TNRC6C: variants seen among roughly 807,000 people sequenced by gnomAD.
TNRC6C encodes the protein trinucleotide repeat-containing gene 6C protein.
Under a neutral mutation model 153.7 loss-of-function variants are expected in TNRC6C, and 20 were observed. The ratio of observed to expected loss-of-function variants is 0.13; its 90% CI spans 0.09 to 0.19. The LOEUF is 0.19. Among genes scored for constraint, TNRC6C ranks in the 10% least tolerant of loss-of-function variants. The probability of loss-of-function intolerance (pLI) is 1.00; values close to 1 mark genes in which losing one functional copy is unlikely to be tolerated. For missense variants in TNRC6C, 1,987 were observed against 2,172.0 expected, an observed-to-expected ratio of 0.91 and a Z score of 1.69; for synonymous variants, 811 against 841.4, an observed-to-expected ratio of 0.96 and a Z score of 0.63.
chr17:78,049,617 T>C lies in TNRC6C; in HGVS notation c.555T>C (p.Asn185=). 6.2e-7 allele frequency: 1 copy of C among 1,613,980 alleles called. No individual in the cohort carries two copies. The highest frequency in any genetic ancestry group is 8.5e-7 in the Non-Finnish European group (1 of 1,179,882). Reference sequence around the variant, plus strand: ...AGAACCTTAACACTGATGGACCAAATAACACTAACCCCATGAACTCTTCAC... The same window carrying C: ...AGAACCTTAACACTGATGGACCAAACAACACTAACCCCATGAACTCTTCAC... Residue 185 remains asparagine, a synonymous_variant, in exon 3 of 20, where the codon AAT becomes AAC. Transcript: ENST00000301624. This position sits in a 1 kb window ranked among gnomAD's most constrained non-coding sequence, Gnocchi z 4.1.
Position 78,079,400 on chromosome 17 carries a change from G to A in TNRC6C, c.3216G>A (p.Pro1072=), listed in dbSNP as rs143705154. Reference sequence around the variant, plus strand: ...TTAATTCTGTCCCTGTGCAGATACCGAGTGGCAATCTGGGTATGTTTGGCA... The same window carrying A: ...TTAATTCTGTCCCTGTGCAGATACCAAGTGGCAATCTGGGTATGTTTGGCA... The change falls in exon 10 of 20, where the codon CCG becomes CCA. Residue 1072 remains proline (P), a synonymous_variant. Coordinates refer to ENST00000301624, the Ensembl canonical transcript of TNRC6C. The surrounding 1 kb of genome is among the most constrained non-coding windows in gnomAD (Gnocchi z 4.3). 1.0e-4 allele frequency: 164 copies of A among 1,613,800 alleles called. 2 individuals are homozygous for A. The South Asian group carries it at 1.2e-3, about 12-fold the overall frequency.
chr17:78,104,846 G>T lies in TNRC6C; in HGVS notation c.*1G>T, dbSNP rs1254160101. On this transcript the variant is annotated 3_prime_UTR_variant, in exon 20 of 20. Coordinates refer to ENST00000301624, the Ensembl canonical transcript of TNRC6C. This position sits in a 1 kb window ranked among gnomAD's most constrained non-coding sequence, Gnocchi z 6.2. The stretch of plus-strand genomic sequence containing the variant: ...CCTGCTCAGCGGGGAGTCCCTGTAG[G>T]CTCTGCCATCATCAGCACCAGGAGA... The T allele has an allele frequency of 2.1e-6, 3 of 1,422,374 alleles. No homozygotes were observed. Among genetic ancestry groups the T allele is most frequent in the African/African-American group, 1.5e-5 (1 of 66,736 alleles). The allele number at this position is 1,422,374 out of a possible 1,614,324, so 88.1% of individuals were successfully genotyped here.
chr17:78,097,605 T>C, intron 16 of TNRC6C, 140 bp from the exon 19 acceptor site: 1 of 576,576 alleles, frequency 1.7e-6, no homozygotes, highest in Non-Finnish European at 3.0e-6. Flanking sequence ...CTTTCCCACA[T>C]GTCACTTTCA....
chr17:78,068,064 T>C lies in TNRC6C; in HGVS notation c.2778+141T>C, dbSNP rs1567949307. ...GGACCCTTGGAGGTCCCAGAGACCC[T>C]TTCAGGGGAGTAAGCAAGGTCACAA... On this transcript the variant is annotated intron_variant, in intron 5 of 19. Transcript: ENST00000301624. The C allele has an allele frequency of 6.4e-6, 6 of 935,530 alleles. No individual in the cohort carries two copies. The South Asian group carries it at 1.2e-4, about 19-fold the overall frequency. The allele number at this position is 935,530 out of a possible 1,614,324, so 58.0% of individuals were successfully genotyped here.
Position 78,075,215 on chromosome 17 carries a change from C to T in TNRC6C, c.2997C>T (p.Pro999=). The change falls in exon 8 of 20, where the codon CCC becomes CCT. Residue 999 remains proline (P), a synonymous_variant. Coordinates refer to ENST00000301624, the Ensembl canonical transcript of TNRC6C. The surrounding 1 kb of genome is among the most constrained non-coding windows in gnomAD (Gnocchi z 4.2). ...ACCATAATGGAATGGCCGCCAAGCC[C>T]CTCGGCTGCCGCCCGCCAATCTCCA... 4 of 1,598,078 alleles carry T rather than the reference C, an allele frequency of 2.5e-6. No individual in the cohort carries two copies. Among genetic ancestry groups the T allele is most frequent in the Non-Finnish European group, 3.4e-6 (4 of 1,172,928 alleles).
At chr17:78,106,402 C>T (rs751172874) in exon 20 of TNRC6C, 1 of 151,886 alleles carries the variant, frequency 6.6e-6, no homozygotes, top group Non-Finnish European at 1.5e-5. Flanking sequence ...AGGTGACAGG[C>T]GTTGTGGCCA....
In TNRC6C at chr17:78,091,258, G is replaced by A. The variant is rs150085990; in HGVS notation, c.3803-182G>A. On this transcript the variant is annotated intron_variant, in intron 13 of 19. Transcript: ENST00000301624. ...GGAGAATCGCTTGAACCTGGGAGGC[G>A]GAGGTTGCAATGAGCCAAGATTGTG... is the stretch of plus-strand genomic sequence containing the variant. 1,159 of 527,938 alleles carry A rather than the reference G, an allele frequency of 2.2e-3. 10 individuals are homozygous for A. The highest frequency in any genetic ancestry group is 0.021 in the African/African-American group (1,049 of 50,620). 32.7% of individuals were successfully genotyped at this position (527,938 alleles called of 1,614,324 possible). A position where few individuals can be genotyped will look rare whatever the true frequency, so the allele number is the denominator to read the frequency against.
At chr17:78,007,004 G>A (rs2071530918) in intron 1 of TNRC6C, among the ~76,000 whole-genome samples, 2 of 136,758 alleles carry the variant, frequency 1.5e-5, no homozygotes, top group African/African-American at 5.5e-5. Context: ...GCCACACCCA[G>A]CTAATTTTTT....
intron 7 of TNRC6C, 52 bp downstream of exon 9, chr17:78,073,146 T>C (rs1336542459): frequency 2.1e-6 from 3 of 1,452,550 alleles, no homozygotes; most frequent in Non-Finnish European, 2.8e-6. Context: ...GAAGTTTTAC[T>C]TTCCAGAAGC....
chr17:78,046,577 T>C (rs1370050094), intron 2 of TNRC6C, among the ~76,000 whole-genome samples: 1 of 152,346 alleles, frequency 6.6e-6, no homozygotes, highest in East Asian at 1.9e-4. Context: ...TTTTGTTATA[T>C]AGATGTTTTT....
At chr17:78,073,605 G>A (rs1431471482) in intron 7 of TNRC6C, among the ~76,000 whole-genome samples, 1 of 152,010 alleles carries the variant, frequency 6.6e-6, no homozygotes, top group Non-Finnish European at 1.5e-5. Flanking sequence ...TATTTTCTTG[G>A]TAGTTATGTT....
At chr17:77,990,201 A>G (rs899752430) in intron 1 of TNRC6C, among the ~76,000 whole-genome samples, 1 of 152,130 alleles carries the variant, frequency 6.6e-6, no homozygotes, top group Non-Finnish European at 1.5e-5. Context: ...GCATCCCCAG[A>G]TCTAAACTAC....
chr17:78,089,394 G>A (rs907761534), intron 13 of TNRC6C, among the ~76,000 whole-genome samples: 3 of 152,174 alleles, frequency 2.0e-5, no homozygotes, highest in African/African-American at 7.2e-5. Flanking sequence ...AGTTATAAAT[G>A]TATTAAAAGC....
intron 14 of TNRC6C, 52 bp downstream of exon 16, chr17:78,091,659 G>A (rs138674463): frequency 7.2e-7 from 1 of 1,381,212 alleles, no homozygotes; most frequent in Non-Finnish European, 9.4e-7. Context: ...CTTATTAATC[G>A]ATCGTCCTGT....
chr17:78,071,074 C>A lies in TNRC6C; in HGVS notation c.2779-11C>A. 1 of 1,594,758 alleles carries A rather than the reference C, an allele frequency of 6.3e-7. No individual in the cohort carries two copies. The highest frequency in any genetic ancestry group is 1.1e-5 in the South Asian group (1 of 87,610). ...CTCATGGACTTCCCCCTTTCCCACA[C>A]TTTGTTCAAGGGCATGAAGACGTCT... On this transcript the variant is annotated splice_polypyrimidine_tract_variant and intron_variant, in intron 5 of 19. Coordinates refer to ENST00000301624, the Ensembl canonical transcript of TNRC6C.
rs1225218396 is a variant in TNRC6C, at chr17:78,087,124, T to A, written c.3802+31T>A. On this transcript the variant is annotated intron_variant, in intron 13 of 19. Coordinates refer to ENST00000301624, the Ensembl canonical transcript of TNRC6C. Reference sequence around the variant, plus strand: ...TGTCCCATGGTCTTCAACAGCCACATCAGGTAGAGAGGGTACCTGGAGTCC... The same window carrying A: ...TGTCCCATGGTCTTCAACAGCCACAACAGGTAGAGAGGGTACCTGGAGTCC... 3 of 1,608,098 alleles carry A rather than the reference T, an allele frequency of 1.9e-6. No homozygotes were observed. In the East Asian group the frequency reaches 6.7e-5, roughly 36 times the overall value.
At chr17:78,008,742 CA>C (rs1481817463) in intron 1 of TNRC6C, 1 of 152,060 alleles carries the variant, frequency 6.6e-6, no homozygotes, top group African/African-American at 2.4e-5. Context: ...TGATGAAAAA[CA>C]AAAGTTATAT....
intron 1 of TNRC6C, among the ~76,000 whole-genome samples, chr17:77,965,628 T>G (rs940518728): frequency 3.9e-5 from 6 of 152,144 alleles, no homozygotes; most frequent in Non-Finnish European, 8.8e-5. Context: ...AACTTCTTCC[T>G]GCCCTCCTGG....
intron 1 of TNRC6C, among the ~76,000 whole-genome samples, chr17:77,971,307 C>A (rs900018462): frequency 6.6e-6 from 1 of 152,110 alleles, no homozygotes; most frequent in Non-Finnish European, 1.5e-5. Flanking sequence ...TCTAAATTTC[C>A]TAAAATAGCT....
Sources: allele counts gnomAD v4.1 joint callset (sites outside exome capture counted in the v4.1 genomes callset), GRCh38; gene constraint gnomAD v4.1.1; non-coding constraint Gnocchi (gnomAD v3.1); transcripts MANE v1.5; gene names NCBI Gene and HGNC (gene_info 2026-07-23, HGNC 2026-07-21).